Variants in ARID4A observed in about 807,000 individuals in gnomAD.
The protein encoded by ARID4A is AT-rich interaction domain 4A, also known as AT-rich interactive domain-containing protein 4A.
A neutral mutation model predicts 148.6 loss-of-function variants in ARID4A; 39 were observed. That is an observed-to-expected ratio of 0.26 (90% CI 0.20 to 0.34). The LOEUF is 0.34. Ranked by LOEUF, ARID4A falls within the 10% of genes least tolerant of loss-of-function variation. The pLI, the probability that ARID4A is intolerant of heterozygous loss-of-function variation, is 1.00. For missense variants in ARID4A, 1,265 were observed against 1,449.1 expected (o/e 0.87, Z 2.06); for synonymous variants, 475 against 481.2 (o/e 0.99, Z 0.17).
chr14:58,310,398 T>A (rs1029515948), intron 5 of ARID4A, among the ~76,000 whole-genome samples: 4 of 152,112 alleles, frequency 2.6e-5, no homozygotes, highest in African/African-American at 9.7e-5. Flanking sequence ...AATCAAAATA[T>A]CATGATACTG....
At chr14:58,345,136 C>T (rs925546911) in intron 12 of ARID4A, among the ~76,000 whole-genome samples, 2 of 152,146 alleles carry the variant, frequency 1.3e-5, no homozygotes, top group Non-Finnish European at 2.9e-5. Flanking sequence ...ACCTCTGCCT[C>T]CCAAAGTGCT....
chr14:58,362,779 C>T (rs1594962428), intron 19 of ARID4A, among the ~76,000 whole-genome samples: 2 of 152,052 alleles, frequency 1.3e-5, no homozygotes, highest in Non-Finnish European at 1.5e-5. Context: ...GCTGGTCTCG[C>T]ACTCTTGACC....
chr14:58,328,197 C>T (rs911183441), intron 8 of ARID4A, 40 bp from the exon 9 acceptor site: 1 of 1,383,024 alleles, frequency 7.2e-7, no homozygotes, highest in South Asian at 1.2e-5. Context: ...TTTCTGAGCA[C>T]AGGAAATAGG....
intron 23 of ARID4A, among the ~76,000 whole-genome samples, chr14:58,367,563 G>C (rs1195279374): frequency 6.6e-6 from 1 of 152,208 alleles, no homozygotes; most frequent in East Asian, 1.9e-4. Context: ...AACATCTAGT[G>C]GAACAGTGTG....
At chr14:58,315,605 C>G (rs1032172690) in intron 5 of ARID4A, among the ~76,000 whole-genome samples, 10 of 151,842 alleles carry the variant, frequency 6.6e-5, no homozygotes, top group African/African-American at 2.4e-4. Flanking sequence ...AGGTTTTATT[C>G]TTTTTGAAAT....
intron 5 of ARID4A, among the ~76,000 whole-genome samples, chr14:58,316,538 C>G (rs925630008): frequency 2.6e-5 from 4 of 152,066 alleles, no homozygotes; most frequent in African/African-American, 9.7e-5. Context: ...ATTCCTTACC[C>G]CATTTCCTTG....
At position 58,366,101 on chromosome 14, in the gene ARID4A, T is replaced by C. The variant is rs113991079; in HGVS notation, c.3394T>C (p.Ser1132Pro). 6.2e-7 allele frequency: 1 copy of C among 1,613,866 alleles called. No individual in the cohort carries two copies. Among genetic ancestry groups the C allele is most frequent in the Non-Finnish European group, 8.5e-7 (1 of 1,179,814 alleles). ...KCTPVKHLNV[S>P]KPQKLARSPA... Reference sequence around the variant, plus strand: ...TACCCCAGTAAAGCATCTTAATGTATCTAAGCCACAGAAACTTGCACGATC... The same window carrying C: ...TACCCCAGTAAAGCATCTTAATGTACCTAAGCCACAGAAACTTGCACGATC... The change falls in exon 22 of 24, where the codon TCT becomes CCT. Residue 1132 changes from serine to proline, a missense_variant. Ser to Pro is a moderately conservative substitution (Grantham distance 74, BLOSUM62 -1). This residue lies in a region of ARID4A where 666 missense variants were observed against 730.9 expected (regional missense o/e 0.91). Transcript: ENST00000355431.
At chr14:58,334,986 C>A (rs1282223228) in intron 11 of ARID4A, among the ~76,000 whole-genome samples, 1 of 152,178 alleles carries the variant, frequency 6.6e-6, no homozygotes, top group Non-Finnish European at 1.5e-5. Flanking sequence ...GTTACATACA[C>A]TGTTCATGAC....
intron 18 of ARID4A, among the ~76,000 whole-genome samples, chr14:58,359,960 G>A (rs2093776333): frequency 6.6e-6 from 1 of 152,074 alleles, no homozygotes. Context: ...CAGCTACTCG[G>A]GAGGCTGAGG....
At position 58,330,222 on chromosome 14, in the gene ARID4A, A is replaced by T. The variant is rs116956305; in HGVS notation, c.906+53A>T. ...AAACATCTTAATACTCTCTAGTGAA[A>T]ATAATACCTTCATATATTTTTCCCT... On this transcript the variant is annotated intron_variant, in intron 11 of 23. Transcript: ENST00000355431. 0.02 allele frequency: 32,041 copies of T among 1,568,238 alleles called. 417 individuals carry two copies. The highest frequency in any genetic ancestry group is 0.028 in the Middle Eastern group (169 of 5,932).
intron 15 of ARID4A, among the ~76,000 whole-genome samples, chr14:58,350,705 A>G (rs1307822606): frequency 6.6e-6 from 1 of 152,222 alleles, no homozygotes; most frequent in Non-Finnish European, 1.5e-5. Context: ...TATCATTAAC[A>G]TTAGATAATT....
intron 5 of ARID4A, among the ~76,000 whole-genome samples, chr14:58,313,491 C>T (rs2032195313): frequency 6.6e-6 from 1 of 152,100 alleles, no homozygotes; most frequent in Non-Finnish European, 1.5e-5. Context: ...GCTTGCCCAC[C>T]GCTAACCTGC....
Position 58,364,797 on chromosome 14 carries a change from A to C in ARID4A, c.2708A>C (p.His903Pro). 2 of 1,614,146 alleles carry C rather than the reference A, an allele frequency of 1.2e-6. No individual in the cohort carries two copies. The highest frequency in any genetic ancestry group is 2.2e-5 in the South Asian group (2 of 91,082). Residue 903 changes from histidine (H) to proline (P), a missense_variant, in exon 20 of 24, where the codon CAC becomes CCC. His to Pro is a moderately conservative substitution (Grantham distance 77). This residue lies in a region of ARID4A where 666 missense variants were observed against 730.9 expected (regional missense o/e 0.91). Coordinates refer to ENST00000355431, the MANE Select transcript of ARID4A (RefSeq NM_002892.4). ...EGMKNLNFEQ[H>P]FERENEGMPS... is the part of the protein sequence containing the mutation. The stretch of plus-strand genomic sequence containing the variant: ...ATGAAAAACTTAAATTTTGAACAGC[A>C]CTTTGAAAGAGAAAATGAAGGAATG...
chr14:58,343,167 C>T (rs1237406902), intron 11 of ARID4A, among the ~76,000 whole-genome samples: 1 of 152,146 alleles, frequency 6.6e-6, no homozygotes, highest in African/African-American at 2.4e-5. Flanking sequence ...AAAAAACTGC[C>T]ATCTCTTAAT....
chr14:58,351,783 G>A (rs2034649320), intron 16 of ARID4A: 1 of 152,536 alleles, frequency 6.6e-6, no homozygotes, highest in Admixed American at 6.5e-5. Context: ...ATTAGATTAT[G>A]TGGCATGCAC....
At chr14:58,340,441 C>T (rs1202318496) in intron 11 of ARID4A, among the ~76,000 whole-genome samples, 1 of 152,206 alleles carries the variant, frequency 6.6e-6, no homozygotes, top group African/African-American at 2.4e-5. Flanking sequence ...CCTCCGCCTC[C>T]TGGGTTCAGG....
intron 15 of ARID4A, among the ~76,000 whole-genome samples, chr14:58,349,646 A>G (rs1227460776): frequency 6.6e-6 from 1 of 152,042 alleles, no homozygotes; most frequent in Non-Finnish European, 1.5e-5. Context: ...CCCAGGAGGC[A>G]GAGGTTGCAG....
At chr14:58,353,486 T>A in intron 16 of ARID4A, 172 bp from the exon 17 acceptor site, 1 of 591,894 alleles carries the variant, frequency 1.7e-6, no homozygotes. Context: ...AATAAATTCC[T>A]TAGTAAGTAG....
At position 58,364,514 on chromosome 14, in the gene ARID4A, A is replaced by C. The variant is rs1296353337; in HGVS notation, c.2425A>C (p.Ile809Leu). Residue 809 changes from isoleucine to leucine, a missense_variant, in exon 20 of 24, where the codon ATT (isoleucine) becomes CTT (leucine). Ile to Leu is a conservative substitution (Grantham distance 5). Transcript: ENST00000355431. ...TKDLSLEIIK[I>L]SSFGQNEAGS... The stretch of plus-strand genomic sequence containing the variant: ...AGATCTTTCTTTAGAAATTATAAAG[A>C]TTTCATCATTTGGCCAGAATGAAGC... The C allele has an allele frequency of 8.1e-6, 13 of 1,611,836 alleles. No homozygotes were observed. The highest frequency in any genetic ancestry group is 1.0e-5 in the Non-Finnish European group (12 of 1,179,658).
Sources: gnomAD v4.1 joint callset for allele counts (sites outside exome capture counted in the v4.1 genomes callset) on GRCh38, gnomAD v4.1.1 for gene constraint, gnomAD v4.1.1 regional missense constraint, MANE v1.5 for transcripts, NCBI Gene and HGNC (gene_info 2026-07-23, HGNC 2026-07-21) for gene names.